Variants in PSMF1 observed in about 807,000 individuals in gnomAD.
PSMF1 encodes proteasome inhibitor subunit 1.
PSMF1 carries 30 observed loss-of-function variants against 29.3 expected under a neutral mutation model. The ratio of observed to expected loss-of-function variants is 1.02; its 90% CI spans 0.77 to 1.39. The LOEUF (loss-of-function observed/expected upper bound fraction) is 1.39, where lower values mean the gene tolerates loss of function less well. PSMF1 is among the 40% of genes most tolerant of loss of function. The pLI is 0.00. For missense variants in PSMF1, 344 were observed against 357.5 expected (o/e 0.96, Z 0.31); for synonymous variants, 134 against 139.7 (o/e 0.96, Z 0.29).
rs992436122 is a variant in PSMF1, at chr20:1,168,202, T to C, written c.*3122T>C. On this transcript the variant is annotated 3_prime_UTR_variant, in exon 7 of 7. Transcript: ENST00000335877. ...GGCTGGTGAGCTGCAGAGCAGTTGA[T>C]TTGACTTTTGGGGATGGTTCTAGGC... 1 of 152,250 alleles carries C rather than the reference T, an allele frequency of 6.6e-6. No individual in the cohort carries two copies. Among genetic ancestry groups the C allele is most frequent in the Non-Finnish European group, 1.5e-5 (1 of 68,054 alleles). 9.4% of individuals were successfully genotyped at this position (152,250 alleles called of 1,614,324 possible). A position where few individuals can be genotyped will look rare whatever the true frequency, so the allele number is the denominator to read the frequency against.
At chr20:1,157,595 T>A (rs1406293462) in intron 4 of PSMF1, among the ~76,000 whole-genome samples, 1 of 150,428 alleles carries the variant, frequency 6.6e-6, no homozygotes, top group African/African-American at 2.5e-5. Context: ...TAATTAAGTG[T>A]ATGCATGCAC....
chr20:1,147,149 T>TCAC (rs2086460949), intron 4 of PSMF1, among the ~76,000 whole-genome samples: 1 of 112,130 alleles, frequency 8.9e-6, no homozygotes, highest in South Asian at 3.3e-4. Context: ...ATCATCATCA[T>TCAC]CATCATCATC....
intron 2 of PSMF1, among the ~76,000 whole-genome samples, chr20:1,126,289 T>C: frequency 6.6e-6 from 1 of 152,242 alleles, no homozygotes; most frequent in Admixed American, 6.5e-5. Flanking sequence ...GACTTTCCTT[T>C]TGTTAACTTT....
chr20:1,132,268 T>C (rs368008282), intron 3 of PSMF1, among the ~76,000 whole-genome samples: 32 of 143,914 alleles, frequency 2.2e-4, no homozygotes, highest in African/African-American at 7.4e-4. Context: ...TTTTCTTTCT[T>C]TTTTTTTTTC....
intron 4 of PSMF1, among the ~76,000 whole-genome samples, chr20:1,147,133 G>T (rs57063636): frequency 3.6e-5 from 5 of 137,812 alleles, no homozygotes; most frequent in East Asian, 2.3e-4. Flanking sequence ...CATTGTTTCC[G>T]TTATCATCAT....
At position 1,164,413 on chromosome 20, in the gene PSMF1, C is replaced by T. The variant is rs773972864; in HGVS notation, c.701C>T (p.Pro234Leu). Residue 234 changes from proline to leucine, a missense_variant, in exon 6 of 7, where the codon CCA becomes CTA. Pro to Leu is a moderately conservative substitution (Grantham distance 98). Transcript: ENST00000335877. The surrounding 1 kb of genome is among the most constrained non-coding windows in gnomAD (Gnocchi z 4.1). ...PSSGLPNRLPPGAVPPGARFD... is the reference protein window; with the variant it reads ...PSSGLPNRLPLGAVPPGARFD... ...TCAGGCCTCCCGAACCGACTTCCTC[C>T]AGGCGCTGTGCCCCCAGGAGCTCGC... 9 of 1,614,202 alleles carry T rather than the reference C, an allele frequency of 5.6e-6. No homozygotes were observed. Among genetic ancestry groups the T allele is most frequent in the East Asian group, 2.2e-5 (1 of 44,880 alleles).
At chr20:1,137,056 A>G (rs569068919) in intron 4 of PSMF1, among the ~76,000 whole-genome samples, 3 of 152,338 alleles carry the variant, frequency 2.0e-5, no homozygotes, top group Non-Finnish European at 2.9e-5. Flanking sequence ...GTGAAACTCT[A>G]CTATGAATTG....
In PSMF1 at chr20:1,169,082, G is replaced by T. The variant is rs797010849; in HGVS notation, c.*4002G>T. ...ATTGTAGCAATGATGATGTGATCCT[G>T]CTGCTCTCTGGACCGTAACCTTTTT... On this transcript the variant is annotated 3_prime_UTR_variant, in exon 7 of 7. Transcript: ENST00000335877. Among the ~76,000 whole-genome samples, 2 of 152,168 alleles carry T rather than the reference G, an allele frequency of 1.3e-5. No individual in the cohort carries two copies.
chr20:1,166,951 G>A lies in PSMF1; in HGVS notation c.*1871G>A, dbSNP rs559082061. The A allele has an allele frequency of 1.3e-5, 2 of 152,294 alleles. No homozygotes were observed. Among genetic ancestry groups the A allele is most frequent in the Admixed American group, 1.3e-4 (2 of 15,298 alleles). The allele number at this position is 152,294 out of a possible 1,614,324, so 9.4% of individuals were successfully genotyped here. On this transcript the variant is annotated 3_prime_UTR_variant, in exon 7 of 7. Transcript: ENST00000335877. Reference sequence around the variant, plus strand: ...TTTTAGGACCTTGATGTGAGGAAAAGATAAAATTTAAACAATAAATTTGCC... The same window carrying A: ...TTTTAGGACCTTGATGTGAGGAAAAAATAAAATTTAAACAATAAATTTGCC...
chr20:1,147,569 A>C (rs879450437), intron 4 of PSMF1, among the ~76,000 whole-genome samples: 1 of 152,186 alleles, frequency 6.6e-6, no homozygotes, highest in Admixed American at 6.5e-5. Context: ...CTATTTCACA[A>C]GAGTAAGGCA....
At chr20:1,162,350 C>T (rs752963429) in intron 4 of PSMF1, among the ~76,000 whole-genome samples, 2 of 151,632 alleles carry the variant, frequency 1.3e-5, no homozygotes, top group Non-Finnish European at 2.9e-5. Flanking sequence ...TATGTGAGAG[C>T]ATTAGGCCTA....
intron 1 of PSMF1, among the ~76,000 whole-genome samples, chr20:1,122,368 T>C (rs2031396024): frequency 6.6e-6 from 1 of 151,550 alleles, no homozygotes; most frequent in Non-Finnish European, 1.5e-5. Context: ...GGTGCTATCT[T>C]GGCTCACTGT....
rs184023648 is a variant in PSMF1 at position 1,125,078 on chromosome 20, G to A, written c.130-420G>A. 1.3e-3 allele frequency among the ~76,000 whole-genome samples: 196 copies of A among 152,310 alleles called. 1 individual carries two copies. Among genetic ancestry groups the A allele is most frequent in the Admixed American group, 2.2e-3 (33 of 15,304 alleles). ...TTGTACATCACTGCAGTCAGTTAGC[G>A]TGTATTCGGATCTGTGTTTTTAGTC... On this transcript the variant is annotated intron_variant, in intron 1 of 6. Coordinates refer to ENST00000335877, the MANE Select transcript of PSMF1 (RefSeq NM_006814.5).
In PSMF1 at chr20:1,118,665, G is replaced by A. The variant is rs1487329747; in HGVS notation, c.-109G>A. Reference sequence around the variant, plus strand: ...TTGGTCTCAGGTGTGGACTCGGCAAGAACCAGCGCAAGAGGGAAGCAGAGT... The same window carrying A: ...TTGGTCTCAGGTGTGGACTCGGCAAAAACCAGCGCAAGAGGGAAGCAGAGT... On this transcript the variant is annotated 5_prime_UTR_variant, in exon 1 of 7. Transcript: ENST00000335877. 22 of 1,357,608 alleles carry A rather than the reference G, an allele frequency of 1.6e-5. No individual in the cohort carries two copies. 84.1% of individuals were successfully genotyped at this position (1,357,608 alleles called of 1,614,324 possible). A position where few individuals can be genotyped will look rare whatever the true frequency, so the allele number is the denominator to read the frequency against.
chr20:1,131,175 T>C lies in PSMF1; in HGVS notation c.365+3667T>C, dbSNP rs116685213. Among the ~76,000 whole-genome samples the C allele has an allele frequency of 4.6e-3, 705 of 152,366 alleles. 7 individuals carry two copies. The highest frequency in any genetic ancestry group is 0.017 in the Middle Eastern group (5 of 294). On this transcript the variant is annotated intron_variant, in intron 3 of 6. Transcript: ENST00000335877. ...GTGTGGTCTCTTGACTTCTTCACTC[T>C]GGACTTCCACTGGGAGAGAAATTGA...
chr20:1,166,439 A>C lies in PSMF1; in HGVS notation c.*1359A>C. 1.5e-6 allele frequency: 1 copy of C among 674,190 alleles called. No individual in the cohort carries two copies. The highest frequency in any genetic ancestry group is 2.6e-6 in the Non-Finnish European group (1 of 386,438). The allele number at this position is 674,190 out of a possible 1,614,324, so 41.8% of individuals were successfully genotyped here. On this transcript the variant is annotated 3_prime_UTR_variant, in exon 7 of 7. Coordinates refer to ENST00000335877, the MANE Select transcript of PSMF1 (RefSeq NM_006814.5). The stretch of plus-strand genomic sequence containing the variant: ...TTATTTACCTGTAGGTAAGCAAGCT[A>C]CTGTAGCTCTTCTGAGGTATCTGCC...
chr20:1,138,761 G>T (rs191681569), intron 4 of PSMF1, among the ~76,000 whole-genome samples: 1 of 151,962 alleles, frequency 6.6e-6, no homozygotes, highest in East Asian at 1.9e-4. Context: ...GGAGGTCAAG[G>T]CTGCAGTGAG....
At chr20:1,129,654 C>T (rs1354436085) in intron 3 of PSMF1, among the ~76,000 whole-genome samples, 4 of 152,180 alleles carry the variant, frequency 2.6e-5, no homozygotes, top group Non-Finnish European at 5.9e-5. Context: ...ACACCCATTA[C>T]GATGGGTAGT....
At chr20:1,150,148 C>T (rs900054047) in intron 4 of PSMF1, among the ~76,000 whole-genome samples, 52 of 151,748 alleles carry the variant, frequency 3.4e-4, no homozygotes, top group Non-Finnish European at 5.7e-4. Context: ...CTACTGTACT[C>T]CAGCCTGGGC....
Sources: gnomAD v4.1 joint callset for allele counts (sites outside exome capture counted in the v4.1 genomes callset) on GRCh38, gnomAD v4.1.1 for gene constraint, Gnocchi (gnomAD v3.1) non-coding constraint, MANE v1.5 for transcripts, NCBI Gene and HGNC (gene_info 2026-07-23, HGNC 2026-07-21) for gene names.